Variants in SCUBE2 observed in about 807,000 individuals in gnomAD.
SCUBE2 encodes the protein signal peptide, CUB domain and EGF like domain containing 2.
Under a neutral mutation model 125.9 loss-of-function variants are expected in SCUBE2, and 114 were observed. That is an observed-to-expected ratio of 0.91 (90% CI 0.78 to 1.06). The LOEUF is 1.06. Ranked by LOEUF, SCUBE2 falls within the 50% of genes least tolerant of loss-of-function variation. The pLI, the probability that SCUBE2 is intolerant of heterozygous loss-of-function variation, is 0.00. For synonymous variants in SCUBE2, 459 were observed against 492.9 expected, an observed-to-expected ratio of 0.93 and a Z score of 0.91; for missense variants, 1,255 against 1,301.8, an observed-to-expected ratio of 0.96 and a Z score of 0.55.
At chr11:9,027,141 G>A (rs1046223433) in intron 20 of SCUBE2, 1 of 563,736 alleles carries the variant, frequency 1.8e-6, no homozygotes, top group Non-Finnish European at 3.2e-6. Flanking sequence ...GCACAGAGGG[G>A]AAGACTGACC....
chr11:9,058,594 T>TG (rs1564827125), intron 9 of SCUBE2, among the ~76,000 whole-genome samples: 1 of 35,258 alleles, frequency 2.8e-5, no homozygotes. Context: ...AGACTCTGTC[T>TG]CAAAAAAAAA....
In SCUBE2 at chr11:9,050,726, AGT is replaced by A; in HGVS notation, c.1535-18_1535-17del. 1 of 1,592,326 alleles carries A rather than the reference AGT, an allele frequency of 6.3e-7. No homozygotes were observed. The highest frequency in any genetic ancestry group is 8.6e-7 in the Non-Finnish European group (1 of 1,159,982). ...GTGGTGACATCTTCAGAAAGAAACA[AGT>A]GAGAGATGTTACCTTCAGAGGCAAA... On this transcript the variant is annotated splice_polypyrimidine_tract_variant and intron_variant, in intron 13 of 22. Transcript: ENST00000649792.
At chr11:9,063,516 T>C (rs1859888968) in intron 7 of SCUBE2, among the ~76,000 whole-genome samples, 1 of 152,226 alleles carries the variant, frequency 6.6e-6, no homozygotes, top group South Asian at 2.1e-4. Flanking sequence ...TTGAAAACAA[T>C]GGAGCACTAA....
chr11:9,055,670 G>A, intron 10 of SCUBE2, 123 bp downstream of exon 10: 1 of 730,014 alleles, frequency 1.4e-6, no homozygotes, highest in East Asian at 2.5e-5. Context: ...CACCGCTATT[G>A]CTCAGGGACT....
chr11:9,039,765 G>A (rs1001523531), intron 16 of SCUBE2, among the ~76,000 whole-genome samples: 4 of 152,150 alleles, frequency 2.6e-5, no homozygotes, highest in African/African-American at 4.8e-5. Context: ...AGCCAGGGTC[G>A]CCAAGAAAAG....
rs756649534 is a variant in SCUBE2 at position 9,066,684 on chromosome 11, G to A, written c.760+13C>T. Reference sequence around the variant, plus strand: ...GGTGCAGACCCTCACTCAGTGTTGGGGTTGCCACTCACCAAGGCAGCTCCT... The same window carrying A: ...GGTGCAGACCCTCACTCAGTGTTGGAGTTGCCACTCACCAAGGCAGCTCCT... On this transcript the variant is annotated intron_variant, in intron 6 of 22. Coordinates refer to ENST00000649792, the MANE Select transcript of SCUBE2 (RefSeq NM_001367977.2). The A allele has an allele frequency of 8.7e-6, 14 of 1,603,576 alleles. No homozygotes were observed. The highest frequency in any genetic ancestry group is 1.2e-5 in the Non-Finnish European group (14 of 1,170,492).
chr11:9,080,106 T>C (rs1212461774), intron 2 of SCUBE2, among the ~76,000 whole-genome samples: 1 of 152,192 alleles, frequency 6.6e-6, no homozygotes, highest in African/African-American at 2.4e-5. Flanking sequence ...TATAGATCAA[T>C]GGAACAGAAC....
chr11:9,024,891 T>G (rs947059906), intron 21 of SCUBE2, among the ~76,000 whole-genome samples: 4 of 152,244 alleles, frequency 2.6e-5, no homozygotes, highest in Admixed American at 6.5e-5. Flanking sequence ...ATATATTTTG[T>G]GTTTCTGTCA....
chr11:9,065,692 G>A (rs1315627356), intron 7 of SCUBE2, among the ~76,000 whole-genome samples, 199 bp downstream of exon 7: 1 of 152,194 alleles, frequency 6.6e-6, no homozygotes, highest in African/African-American at 2.4e-5. Flanking sequence ...TGATGGACAC[G>A]AGACCAAGGG....
At chr11:9,077,075 T>C (rs186758474) in intron 3 of SCUBE2, among the ~76,000 whole-genome samples, 22 of 152,320 alleles carry the variant, frequency 1.4e-4, no homozygotes, top group Non-Finnish European at 1.5e-5. Flanking sequence ...GTCATTCAGC[T>C]AGCTGATGCT....
intron 10 of SCUBE2, among the ~76,000 whole-genome samples, chr11:9,054,725 A>ATATATATATATATTTTTTTTTTT: frequency 4.5e-5 from 1 of 22,348 alleles, no homozygotes; most frequent in Non-Finnish European, 7.1e-5. Context: ...ATATATATAT[A>ATATATATATATATTTTTTTTTTT]TTTTTTTTTT....
chr11:9,024,241 T>C, intron 21 of SCUBE2: 1 of 1,090,696 alleles, frequency 9.2e-7, no homozygotes, highest in Non-Finnish European at 1.1e-6. Flanking sequence ...GAAGTCTCAG[T>C]GTCTTTTTGC....
chr11:9,065,783 T>A, intron 7 of SCUBE2, 108 bp downstream of exon 7: 1 of 870,846 alleles, frequency 1.1e-6, no homozygotes, highest in Admixed American at 1.9e-5. Flanking sequence ...CTCACCCCAG[T>A]CCAGCTGGTC....
In SCUBE2 at chr11:9,052,717, C is replaced by CA. The variant is rs1858543644; in HGVS notation, c.1534+28dup. 3.4e-6 allele frequency: 5 copies of CA among 1,491,434 alleles called. No homozygotes were observed. In the South Asian group the frequency reaches 6.0e-5, roughly 18 times the overall value. 92.4% of individuals were successfully genotyped at this position (1,491,434 alleles called of 1,614,324 possible). On this transcript the variant is annotated intron_variant, in intron 13 of 22. Transcript: ENST00000649792. ...AAGCCCCTTGAACACAGTGAGCCCC[C>CA]AGAGAGAACACGCAGATTTGGTAAT...
chr11:9,072,396 GA>G (rs1206855318), intron 4 of SCUBE2, among the ~76,000 whole-genome samples: 5 of 152,214 alleles, frequency 3.3e-5, no homozygotes, highest in African/African-American at 1.2e-4. Context: ...TTTTAGTAGA[GA>G]TGGGGTTTCA....
chr11:9,074,587 G>A lies in SCUBE2; in HGVS notation c.411C>T (p.Gly137=), dbSNP rs368262750. 6.8e-6 allele frequency: 11 copies of A among 1,614,026 alleles called. No homozygotes were observed. Among genetic ancestry groups the A allele is most frequent in the African/African-American group, 1.3e-5 (1 of 74,910 alleles). ...LDVDECLENN[G]GCQHTCVNVM... ...CGTTGACACAGGTATGCTGGCAGCC[G>A]CCATTGTTCTCCAGGCACTCGTCCA... Residue 137 remains glycine, a synonymous_variant, in exon 4 of 23, where the codon GGC becomes GGT. Transcript: ENST00000649792.
In SCUBE2 at chr11:9,067,859, AC is replaced by A. The variant is rs544224180; in HGVS notation, c.644-1047del. Among the ~76,000 whole-genome samples, 163 of 25,848 alleles carry A rather than the reference AC, an allele frequency of 6.3e-3. 1 individual carries two copies. The highest frequency in any genetic ancestry group is 0.022 in the African/African-American group (151 of 6,812). 17.0% of individuals were successfully genotyped at this position (25,848 alleles called of 152,430 possible). A position where few individuals can be genotyped will look rare whatever the true frequency, so the allele number is the denominator to read the frequency against. On this transcript the variant is annotated intron_variant, in intron 5 of 22. Transcript: ENST00000649792. ...TTTAAAAACAAGCTTACAGGTGCCCACCCCCCCGCCCCCTTCAGCAACTGTT... is the reference window on the plus strand; with the variant it reads ...TTTAAAAACAAGCTTACAGGTGCCCACCCCCCGCCCCCTTCAGCAACTGTT...
At chr11:9,039,659 A>G (rs761576966) in intron 16 of SCUBE2, among the ~76,000 whole-genome samples, 1 of 152,264 alleles carries the variant, frequency 6.6e-6, no homozygotes, top group Non-Finnish European at 1.5e-5. Flanking sequence ...TTCACCTAAA[A>G]TAAGAAACAA....
At position 9,066,778 on chromosome 11, in the gene SCUBE2, A is replaced by C; in HGVS notation, c.679T>G (p.Ser227Ala). The change falls in exon 6 of 23, where the codon TCC becomes GCC. Residue 227 changes from serine (S) to alanine (A), a missense_variant. This residue lies in a region of SCUBE2 where 362 missense variants were observed against 323.0 expected (regional missense o/e 1.12). Transcript: ENST00000649792. ...GGGCCATCGGCTGTATCGTCACAGG[A>C]GTGCTGGCACCCACCGTTCCCATGG... ...CNHGNGGCQH[S>A]CDDTADGPEC... 6.2e-7 allele frequency: 1 copy of C among 1,614,116 alleles called. No homozygotes were observed. The highest frequency in any genetic ancestry group is 8.5e-7 in the Non-Finnish European group (1 of 1,180,012).
Sources: gnomAD v4.1 joint callset for allele counts (sites outside exome capture counted in the v4.1 genomes callset) on GRCh38, gnomAD v4.1.1 for gene constraint, gnomAD v4.1.1 regional missense constraint, MANE v1.5 for transcripts, NCBI Gene and HGNC (gene_info 2026-07-23, HGNC 2026-07-21) for gene names.